KDM4C: variants seen among roughly 807,000 people sequenced by gnomAD.
KDM4C encodes lysine demethylase 4C.
A neutral mutation model predicts 129.3 loss-of-function variants in KDM4C; 81 were observed. The observed-to-expected ratio is 0.63, with a 90% CI of 0.52 to 0.75. The LOEUF (loss-of-function observed/expected upper bound fraction) is 0.75, where lower values mean the gene tolerates loss of function less well. Ranked by LOEUF, KDM4C falls within the 30% of genes least tolerant of loss-of-function variation. The pLI, the probability that KDM4C is intolerant of heterozygous loss-of-function variation, is 0.00. For missense variants in KDM4C, 1,457 were observed against 1,304.0 expected (o/e 1.12, Z -1.81); for synonymous variants, 573 against 456.1 (o/e 1.26, Z -3.26).
At chr9:7,061,320 C>T (rs1458627382) in intron 17 of KDM4C, among the ~76,000 whole-genome samples, 1 of 152,194 alleles carries the variant, frequency 6.6e-6, no homozygotes, top group Non-Finnish European at 1.5e-5. Flanking sequence ...ATATCAATTT[C>T]ATGTCCTTTG....
chr9:7,062,201 C>A (rs1831791526), intron 17 of KDM4C, among the ~76,000 whole-genome samples: 1 of 152,160 alleles, frequency 6.6e-6, no homozygotes, highest in Admixed American at 6.5e-5. Context: ...ACCTCCTGAC[C>A]TTGTGATCTG....
At chr9:7,040,690 G>T (rs1219935411) in intron 15 of KDM4C, among the ~76,000 whole-genome samples, 1 of 151,570 alleles carries the variant, frequency 6.6e-6, no homozygotes, top group Admixed American at 6.6e-5. Flanking sequence ...GCTTTTTCTT[G>T]TAGTATTTAA....
chr9:6,983,278 G>A (rs1255168756), intron 9 of KDM4C, among the ~76,000 whole-genome samples: 1 of 152,148 alleles, frequency 6.6e-6, no homozygotes, highest in Non-Finnish European at 1.5e-5. Flanking sequence ...TTTGGACACT[G>A]TTGCTTTGAG....
chr9:7,028,302 A>T (rs1203602513), intron 15 of KDM4C, among the ~76,000 whole-genome samples: 3 of 151,826 alleles, frequency 2.0e-5, no homozygotes, highest in Non-Finnish European at 4.4e-5. Flanking sequence ...TAGTCAGCAG[A>T]TGATGGGTCT....
At chr9:6,760,311 T>A in intron 1 of KDM4C, among the ~76,000 whole-genome samples, 1 of 152,086 alleles carries the variant, frequency 6.6e-6, no homozygotes. Flanking sequence ...TGGCTAATAT[T>A]CTATTATGGA....
chr9:7,155,841 T>C (rs995825827), intron 19 of KDM4C, among the ~76,000 whole-genome samples: 1 of 152,258 alleles, frequency 6.6e-6, no homozygotes, highest in South Asian at 2.1e-4. Context: ...GTCTTTATAG[T>C]AGCATGATTT....
At chr9:6,890,905 C>T (rs1846029480) in intron 7 of KDM4C, among the ~76,000 whole-genome samples, 1 of 152,236 alleles carries the variant, frequency 6.6e-6, no homozygotes, top group African/African-American at 2.4e-5. Context: ...TTGAACCGTG[C>T]TGGGCACTGG....
chr9:7,036,643 A>G (rs117691749), intron 15 of KDM4C, among the ~76,000 whole-genome samples: 2,449 of 152,316 alleles, frequency 0.016, 39 homozygotes, highest in Non-Finnish European at 0.022. Context: ...AAATTAGATG[A>G]AGAAAAACTA....
intron 8 of KDM4C, among the ~76,000 whole-genome samples, chr9:6,894,555 C>G (rs1036269560): frequency 2.0e-5 from 3 of 152,252 alleles, no homozygotes; most frequent in Non-Finnish European, 4.4e-5. Flanking sequence ...TCAGCTATTA[C>G]AGCTGTTCAG....
At chr9:6,986,277 G>A (rs1817682166) in intron 10 of KDM4C, 67 bp from the exon 11 acceptor site, 5 of 1,102,938 alleles carry the variant, frequency 4.5e-6, no homozygotes, top group Non-Finnish European at 6.5e-6. Context: ...TTTGGGAATA[G>A]TTTACCAATT....
At position 7,092,119 on chromosome 9, in the gene KDM4C, TTTC is replaced by T. The variant is rs928824231; in HGVS notation, c.2425-11553_2425-11551del. ...TATTATTACATTCTGCTGTTTCTTT[TTTC>T]TTCTTCTTCTTCATCCTTGAAAGAA... is the stretch of plus-strand genomic sequence containing the variant. On this transcript the variant is annotated intron_variant, in intron 17 of 21. Transcript: ENST00000381309. 5.9e-5 allele frequency among the ~76,000 whole-genome samples: 9 copies of T among 152,188 alleles called. No homozygotes were observed. In the South Asian group the frequency reaches 6.2e-4, roughly 11 times the overall value.
Position 6,728,944 on chromosome 9 carries a change from G to A in KDM4C, c.49+7947G>A, listed in dbSNP as rs189892794. Among the ~76,000 whole-genome samples, 272 of 152,014 alleles carry A rather than the reference G, an allele frequency of 1.8e-3. 1 individual carries two copies. The highest frequency in any genetic ancestry group is 6.3e-3 in the African/African-American group (260 of 41,468). Reference sequence around the variant, plus strand: ...AAGAAGGCTGGGCGCGGTGGTTCACGCCTGTAATCCCAGTACTTTGGGAGG... The same window carrying A: ...AAGAAGGCTGGGCGCGGTGGTTCACACCTGTAATCCCAGTACTTTGGGAGG... On this transcript the variant is annotated intron_variant, in intron 1 of 17. Coordinates refer to the KDM4C transcript ENST00000536108.
intron 8 of KDM4C, among the ~76,000 whole-genome samples, chr9:6,962,197 T>C (rs1830158206): frequency 6.6e-6 from 1 of 152,244 alleles, no homozygotes; most frequent in African/African-American, 2.4e-5. Flanking sequence ...ATATATCTTG[T>C]ACTTTGTATG....
rs530325690 is a variant in KDM4C, at chr9:6,828,867, G to A, written c.435+14122G>A. ...GCCTGGGCAACAAGATCGAAACTCC[G>A]TCTCAAGAAAAAAAAAATTGGGTTG... On this transcript the variant is annotated intron_variant, in intron 4 of 21. Coordinates refer to ENST00000381309, the MANE Select transcript of KDM4C (RefSeq NM_015061.6). Among the ~76,000 whole-genome samples the A allele has an allele frequency of 4.6e-4, 59 of 127,822 alleles. No homozygotes were observed. In the South Asian group the frequency reaches 0.014, roughly 31 times the overall value. 83.9% of individuals were successfully genotyped at this position (127,822 alleles called of 152,430 possible). A position where few individuals can be genotyped will look rare whatever the true frequency, so the allele number is the denominator to read the frequency against.
chr9:6,851,765 C>G (rs1015134453), intron 5 of KDM4C, among the ~76,000 whole-genome samples: 1 of 152,136 alleles, frequency 6.6e-6, no homozygotes, highest in African/African-American at 2.4e-5. Flanking sequence ...GATGTTGTCT[C>G]CTAATGATCA....
intron 1 of KDM4C, among the ~76,000 whole-genome samples, chr9:6,775,543 A>T (rs575074729): frequency 6.6e-6 from 1 of 150,822 alleles, no homozygotes; most frequent in African/African-American, 2.4e-5. Context: ...TTTTTTTGAG[A>T]TGGAGTTTCG....
chr9:7,074,955 CA>C (rs1212615575), intron 17 of KDM4C, among the ~76,000 whole-genome samples: 6 of 152,158 alleles, frequency 3.9e-5, no homozygotes, highest in African/African-American at 7.2e-5. Context: ...GATCTCCTGC[CA>C]TACCCAGCGA....
At chr9:7,132,582 A>G (rs974092483) in intron 19 of KDM4C, among the ~76,000 whole-genome samples, 2 of 152,238 alleles carry the variant, frequency 1.3e-5, no homozygotes, top group African/African-American at 2.4e-5. Context: ...GTGTATTATT[A>G]CACACCTCCA....
chr9:6,806,946 G>A (rs4486258), intron 3 of KDM4C, among the ~76,000 whole-genome samples: 16,189 of 148,756 alleles, frequency 0.11, 933 homozygotes, highest in Middle Eastern at 0.18. Context: ...CCTCTCATGC[G>A]GAGCGGAAGC....
Sources: allele counts gnomAD v4.1 joint callset (sites outside exome capture counted in the v4.1 genomes callset), GRCh38; gene constraint gnomAD v4.1.1; transcripts MANE v1.5; gene names NCBI Gene and HGNC (gene_info 2026-07-23, HGNC 2026-07-21).